SCN1A: variants seen among roughly 807,000 people sequenced by gnomAD.
The protein encoded by SCN1A is sodium channel protein type 1 subunit alpha.
SCN1A carries 13 observed loss-of-function variants against 193.7 expected under a neutral mutation model. The ratio of observed to expected loss-of-function variants is 0.07; its 90% CI spans 0.04 to 0.11. SCN1A has a LOEUF of 0.11. SCN1A is among the 10% of genes least tolerant of loss of function. The pLI is 1.00. For missense variants in SCN1A, 1,432 were observed against 2,451.1 expected, an observed-to-expected ratio of 0.58 and a Z score of 8.78; for synonymous variants, 781 against 843.6, an observed-to-expected ratio of 0.93 and a Z score of 1.29.
intron 2 of SCN1A, among the ~76,000 whole-genome samples, chr2:166,113,437 CCTGA>C (rs1480058544): frequency 2.0e-5 from 3 of 152,048 alleles, no homozygotes; most frequent in South Asian, 2.1e-4. Context: ...TGACCAACTT[CCTGA>C]CTGTTTTACT....
chr2:166,020,049 T>C (rs1461823432), intron 19 of SCN1A, among the ~76,000 whole-genome samples: 3 of 152,042 alleles, frequency 2.0e-5, no homozygotes, highest in African/African-American at 7.2e-5. Flanking sequence ...TAGCTGGGAC[T>C]ACAGGCGCCC....
chr2:166,012,612 C>CTTTTTT lies in SCN1A; in HGVS notation c.3706-336_3706-331dup, dbSNP rs60890420. Among the ~76,000 whole-genome samples the CTTTTTT allele has an allele frequency of 4.4e-3, 339 of 77,194 alleles. 1 individual carries two copies. Among genetic ancestry groups the CTTTTTT allele is most frequent in the Middle Eastern group, 0.011 (1 of 94 alleles). 50.6% of individuals were successfully genotyped at this position (77,194 alleles called of 152,430 possible). ...CATTTATTTTGCTTCCTTCTATTGGCTTTTTTTTTTTTTTTTTTTTTTTGC... is the reference window on the plus strand; with the variant it reads ...CATTTATTTTGCTTCCTTCTATTGGCTTTTTTTTTTTTTTTTTTTTTTTTTTTTTGC... On this transcript the variant is annotated intron_variant, in intron 21 of 28. Coordinates refer to ENST00000674923, the MANE Select transcript of SCN1A (RefSeq NM_001165963.4).
intron 20 of SCN1A, among the ~76,000 whole-genome samples, chr2:166,014,694 A>ATC (rs1693035927): frequency 1.3e-5 from 2 of 151,128 alleles, no homozygotes; most frequent in Non-Finnish European, 3.0e-5. Context: ...GGAGAAAGGG[A>ATC]ATGAATGGAG....
At chr2:166,114,783 G>A (rs1689663493) in intron 2 of SCN1A, among the ~76,000 whole-genome samples, 1 of 151,946 alleles carries the variant, frequency 6.6e-6, no homozygotes, top group South Asian at 2.1e-4. Context: ...CTATTCTGAT[G>A]GCATTAAAAA....
chr2:166,028,886 A>G (rs1373361949), intron 19 of SCN1A, among the ~76,000 whole-genome samples: 2 of 152,144 alleles, frequency 1.3e-5, no homozygotes, highest in African/African-American at 4.8e-5. Context: ...TAATAGGAGT[A>G]GTATAGAGTA....
rs1253104627 is a variant in SCN1A at position 165,988,664 on chromosome 2, A to G, written c.*2581T>C. ...ACTGGTGCTTCTCATTGGCCAAACC[A>G]ATTGGGAGCTCAAAGGTAGGAGAGC... On this transcript the variant is annotated 3_prime_UTR_variant, in exon 29 of 29. Transcript: ENST00000674923. 1 of 152,158 alleles carries G rather than the reference A, an allele frequency of 6.6e-6. No homozygotes were observed. Among genetic ancestry groups the G allele is most frequent in the African/African-American group, 2.4e-5 (1 of 41,426 alleles). 9.4% of individuals were successfully genotyped at this position (152,158 alleles called of 1,614,324 possible).
At chr2:166,039,318 T>G in intron 17 of SCN1A, 105 bp downstream of exon 17, 1 of 1,158,790 alleles carries the variant, frequency 8.6e-7, no homozygotes. Context: ...CAGAAAAACT[T>G]ACAATGCTAA....
At chr2:166,048,675 T>C (rs1445802952) in intron 10 of SCN1A, among the ~76,000 whole-genome samples, 1 of 152,166 alleles carries the variant, frequency 6.6e-6, no homozygotes, top group Non-Finnish European at 1.5e-5. Flanking sequence ...CGTGTGCATG[T>C]GTCTAAAAGT....
At chr2:166,090,706 C>A (rs1686707390) in intron 2 of SCN1A, among the ~76,000 whole-genome samples, 1 of 152,116 alleles carries the variant, frequency 6.6e-6, no homozygotes, top group Admixed American at 6.5e-5. Flanking sequence ...TCCCATGGTA[C>A]CCAGAAGAGT....
chr2:166,089,261 A>C (rs905083656), intron 2 of SCN1A, among the ~76,000 whole-genome samples: 1 of 151,904 alleles, frequency 6.6e-6, no homozygotes, highest in African/African-American at 2.4e-5. Context: ...AGTAAACATT[A>C]TTCATTGTTT....
chr2:166,102,371 C>T (rs1688181818), intron 2 of SCN1A, among the ~76,000 whole-genome samples: 2 of 151,912 alleles, frequency 1.3e-5, no homozygotes. Context: ...TGGTGGGCGC[C>T]TGTAGTCCCA....
chr2:166,091,987 T>C (rs1288585291), intron 2 of SCN1A, among the ~76,000 whole-genome samples: 7 of 152,202 alleles, frequency 4.6e-5, no homozygotes, highest in African/African-American at 1.7e-4. Flanking sequence ...CTAACACAAG[T>C]GTTATCATCA....
intron 9 of SCN1A, among the ~76,000 whole-genome samples, chr2:166,049,332 G>C (rs1698262314): frequency 6.6e-6 from 1 of 151,918 alleles, no homozygotes; most frequent in Non-Finnish European, 1.5e-5. Context: ...AGTAAAAATA[G>C]ACAGGAATGA....
chr2:166,028,360 A>C (rs1486188298), intron 19 of SCN1A, among the ~76,000 whole-genome samples: 1 of 151,102 alleles, frequency 6.6e-6, no homozygotes, highest in East Asian at 2.0e-4. Flanking sequence ...TCATTTTGCC[A>C]AATTGAGCAC....
At chr2:166,146,300 C>T (rs1204806118) in intron 1 of SCN1A, among the ~76,000 whole-genome samples, 1 of 152,192 alleles carries the variant, frequency 6.6e-6, no homozygotes, top group Non-Finnish European at 1.5e-5. Context: ...AAACAGGTCC[C>T]ACCTTATACC....
chr2:166,066,297 A>G (rs1312392700), intron 4 of SCN1A, among the ~76,000 whole-genome samples: 1 of 152,160 alleles, frequency 6.6e-6, no homozygotes, highest in Non-Finnish European at 1.5e-5. Context: ...ACACTATTAT[A>G]TGGTCAGTTA....
At chr2:166,065,711 T>C (rs952313287) in intron 4 of SCN1A, among the ~76,000 whole-genome samples, 1 of 152,098 alleles carries the variant, frequency 6.6e-6, no homozygotes, top group Non-Finnish European at 1.5e-5. Flanking sequence ...CTTTAATATA[T>C]AGCCTTCACT....
At chr2:166,042,238 GAC>G in intron 15 of SCN1A, 52 bp downstream of exon 15, 2 of 1,552,688 alleles carry the variant, frequency 1.3e-6, no homozygotes, top group Non-Finnish European at 1.8e-6. Flanking sequence ...TTTGAAATGA[GAC>G]AATATAAGTT....
intron 2 of SCN1A, among the ~76,000 whole-genome samples, chr2:166,110,951 C>T (rs1373651590): frequency 6.6e-6 from 1 of 152,134 alleles, no homozygotes; most frequent in Non-Finnish European, 1.5e-5. Flanking sequence ...CTTTGCTCCT[C>T]CTTCATCTTC....
Sources: gnomAD v4.1 joint callset for allele counts (sites outside exome capture counted in the v4.1 genomes callset) on GRCh38, gnomAD v4.1.1 for gene constraint, MANE v1.5 for transcripts, NCBI Gene and HGNC (gene_info 2026-07-23, HGNC 2026-07-21) for gene names.